The following CABIN1 variants were observed in gnomAD, a reference collection of about 807,000 sequenced individuals.
CABIN1 encodes calcineurin binding protein 1.
Under a neutral mutation model 227.7 loss-of-function variants are expected in CABIN1, and 133 were observed. The observed-to-expected ratio is 0.58, with a 90% CI of 0.51 to 0.67. The LOEUF (loss-of-function observed/expected upper bound fraction) is 0.67. Ranked by LOEUF, CABIN1 falls within the 30% of genes least tolerant of loss-of-function variation. CABIN1 has a pLI of 0.00. For synonymous variants in CABIN1, 1,086 were observed against 1,155.1 expected (o/e 0.94, Z 1.21); for missense variants, 2,408 against 2,852.5 (o/e 0.84, Z 3.55).
Position 24,177,610 on chromosome 22 carries a change from C to G in CABIN1, c.6312C>G (p.Pro2104=). 2 of 1,612,674 alleles carry G rather than the reference C, an allele frequency of 1.2e-6. No homozygotes were observed. The highest frequency in any genetic ancestry group is 1.7e-6 in the Non-Finnish European group (2 of 1,179,268). ...CAACAGCTGCCAGCTCCAAGGCCCC[C>G]AGCAGTGGGAGTGCCCAGCCACCAG... ...SPPTAASSKA[P]SSGSAQPPEG... Residue 2104 remains proline, a synonymous_variant, in exon 36 of 37, where the codon CCC becomes CCG. Transcript: ENST00000263119. The surrounding 1 kb of genome is among the most constrained non-coding windows in gnomAD (Gnocchi z 4.4).
At chr22:24,048,399 A>T (rs762952838) in intron 6 of CABIN1, among the ~76,000 whole-genome samples, 1 of 152,042 alleles carries the variant, frequency 6.6e-6, no homozygotes, top group Non-Finnish European at 1.5e-5. Context: ...ACCAGGTGCC[A>T]TGGTGGGACA....
At chr22:24,060,517 G>A (rs919254816) in intron 12 of CABIN1, among the ~76,000 whole-genome samples, 4 of 152,098 alleles carry the variant, frequency 2.6e-5, no homozygotes, top group Admixed American at 6.5e-5. Flanking sequence ...AGGGCTTCTC[G>A]GGTTGTTTAC....
intron 28 of CABIN1, among the ~76,000 whole-genome samples, chr22:24,132,308 C>G (rs1233636006): frequency 6.6e-6 from 1 of 152,186 alleles, no homozygotes; most frequent in Non-Finnish European, 1.5e-5. Context: ...TTGAGCTAAT[C>G]TTTGGTTTTA....
chr22:24,049,191 G>A lies in CABIN1; in HGVS notation c.627G>A (p.Arg209=). The A allele has an allele frequency of 6.2e-7, 1 of 1,614,036 alleles. No individual in the cohort carries two copies. The highest frequency in any genetic ancestry group is 8.5e-7 in the Non-Finnish European group (1 of 1,179,988). ...EKIFEEQPCL[R]KDSLRMFLKC... is the part of the protein sequence containing the mutation. The stretch of plus-strand genomic sequence containing the variant: ...TTTTTGAGGAGCAGCCTTGTCTCCG[G>A]AAGGACTCTCTCAGAATGTTCCTCA... Residue 209 remains arginine (R), a synonymous_variant, in exon 7 of 37, where the codon CGG becomes CGA. Transcript: ENST00000263119.
chr22:24,172,365 C>T (rs563472292), intron 34 of CABIN1, among the ~76,000 whole-genome samples: 2 of 152,346 alleles, frequency 1.3e-5, no homozygotes, highest in Admixed American at 6.5e-5. Flanking sequence ...CTAGCCCACA[C>T]CAGGCCTCCC....
At chr22:24,071,217 C>A in intron 17 of CABIN1, 175 bp downstream of exon 17, 1 of 825,936 alleles carries the variant, frequency 1.2e-6, no homozygotes, top group South Asian at 1.6e-5. Context: ...AGGCTGCAAA[C>A]CTTCCTGGGG....
intron 28 of CABIN1, 62 bp downstream of exon 28, chr22:24,119,760 GT>G (rs1377163326): frequency 1.4e-6 from 2 of 1,469,072 alleles, no homozygotes; most frequent in African/African-American, 2.8e-5. Flanking sequence ...ATCTTTGAAG[GT>G]TGGTGGGCAG....
chr22:24,081,872 A>G (rs914824708), intron 19 of CABIN1, among the ~76,000 whole-genome samples: 1 of 151,940 alleles, frequency 6.6e-6, no homozygotes, highest in East Asian at 1.9e-4. Flanking sequence ...ACTAAAAATA[A>G]AAAAATTAGC....
intron 3 of CABIN1, 150 bp from the exon 4 acceptor site, chr22:24,038,198 C>G: frequency 1.5e-6 from 1 of 665,326 alleles, no homozygotes; most frequent in East Asian, 2.9e-5. Context: ...TCTTCCCTTC[C>G]TGGAAGTTGG....
intron 29 of CABIN1, among the ~76,000 whole-genome samples, chr22:24,155,540 C>T (rs2045731666): frequency 6.6e-6 from 1 of 152,118 alleles, no homozygotes; most frequent in South Asian, 2.1e-4. Flanking sequence ...CTCTTTTTTG[C>T]CCTCCGCCCT....
In CABIN1 at chr22:24,158,712, C is replaced by G. The variant is rs576561805; in HGVS notation, c.4747-5688C>G. Among the ~76,000 whole-genome samples the G allele has an allele frequency of 6.8e-4, 104 of 152,212 alleles. 2 individuals are homozygous for G. The highest frequency in any genetic ancestry group is 1.2e-4 in the Non-Finnish European group (8 of 68,012). ...TTTTCTGGCTTTCTTCAAAAACCCC[C>G]CACATCCCTTGCTCTCCTAGCCCAT... On this transcript the variant is annotated intron_variant, in intron 29 of 36. Coordinates refer to ENST00000263119, the MANE Select transcript of CABIN1 (RefSeq NM_012295.4).
At chr22:24,153,252 G>A (rs944115888) in intron 29 of CABIN1, among the ~76,000 whole-genome samples, 1 of 152,230 alleles carries the variant, frequency 6.6e-6, no homozygotes, top group Non-Finnish European at 1.5e-5. Flanking sequence ...CATGGCTGGG[G>A]TGGCCTGGTC....
chr22:24,156,478 G>C (rs906477004), intron 29 of CABIN1: 1 of 177,538 alleles, frequency 5.6e-6, no homozygotes, highest in Admixed American at 6.3e-5. Context: ...GAGCTGGCTC[G>C]TGGGGGCGTG....
intron 28 of CABIN1, among the ~76,000 whole-genome samples, chr22:24,126,203 C>T (rs2043714350): frequency 1.3e-5 from 2 of 152,124 alleles, no homozygotes; most frequent in African/African-American, 4.8e-5. Flanking sequence ...GCAGGAGGTT[C>T]CTGTTTGAGG....
At chr22:24,104,480 G>A (rs557347789) in intron 26 of CABIN1, among the ~76,000 whole-genome samples, 5 of 152,276 alleles carry the variant, frequency 3.3e-5, no homozygotes, top group African/African-American at 1.2e-4. Flanking sequence ...TGATATGTCT[G>A]CCAGGCTTCG....
Position 24,065,942 on chromosome 22 carries a change from G to A in CABIN1, c.2038-1045G>A, listed in dbSNP as rs561299699. ...TCAGGCAGGGAGGTTGCAGTGAGCC[G>A]AGATGGCAGCAGTACAGTCCAGCTT... On this transcript the variant is annotated intron_variant, in intron 15 of 36. Coordinates refer to ENST00000263119, the MANE Select transcript of CABIN1 (RefSeq NM_012295.4). Among the ~76,000 whole-genome samples the A allele has an allele frequency of 3.3e-5, 5 of 152,348 alleles. No individual in the cohort carries two copies. In the East Asian group the frequency reaches 9.6e-4, roughly 29 times the overall value.
intron 29 of CABIN1, among the ~76,000 whole-genome samples, chr22:24,163,329 G>T (rs1012296393): frequency 6.6e-6 from 1 of 152,106 alleles, no homozygotes; most frequent in African/African-American, 2.4e-5. Context: ...GCTAGAGCAG[G>T]GTGGGCCCAC....
At chr22:24,075,890 G>A (rs1328231073) in intron 18 of CABIN1, among the ~76,000 whole-genome samples, 1 of 151,990 alleles carries the variant, frequency 6.6e-6, no homozygotes, top group Non-Finnish European at 1.5e-5. Context: ...GTCAGCATTG[G>A]TTCTCTCTGG....
At chr22:24,084,470 C>T (rs2041015643) in intron 20 of CABIN1, 109 bp from the exon 21 acceptor site, 1 of 924,254 alleles carries the variant, frequency 1.1e-6, no homozygotes, top group Non-Finnish European at 1.8e-6. Context: ...CTCCAATATG[C>T]CATAACCTCA....
Sources: gnomAD v4.1 joint callset for allele counts (sites outside exome capture counted in the v4.1 genomes callset) on GRCh38, gnomAD v4.1.1 for gene constraint, Gnocchi (gnomAD v3.1) non-coding constraint, MANE v1.5 for transcripts, NCBI Gene and HGNC (gene_info 2026-07-23, HGNC 2026-07-21) for gene names.